Variants in ASTN2 observed in about 807,000 individuals in gnomAD.
ASTN2 encodes astrotactin-2.
In ASTN2, 54 loss-of-function variants were observed where a neutral mutation model predicts 139.8. That is an observed-to-expected ratio of 0.39 (90% CI 0.31 to 0.48). The LOEUF is 0.48. Among genes scored for constraint, ASTN2 ranks in the 20% least tolerant of loss-of-function variants. ASTN2 has a pLI of 0.95. For synonymous variants in ASTN2, 756 were observed against 719.5 expected (o/e 1.05, Z -0.81); for missense variants, 1,565 against 1,725.1 (o/e 0.91, Z 1.64).
At chr9:116,985,103 G>A (rs182846250) in intron 7 of ASTN2, among the ~76,000 whole-genome samples, 1 of 152,214 alleles carries the variant, frequency 6.6e-6, no homozygotes, top group East Asian at 1.9e-4. Flanking sequence ...CCCTCTCTGG[G>A]GCTCAGTTTC....
chr9:116,833,984 G>A lies in ASTN2; in HGVS notation c.2041-13201C>T, dbSNP rs543084678. Among the ~76,000 whole-genome samples the A allele has an allele frequency of 6.1e-5, 9 of 146,558 alleles. No individual in the cohort carries two copies. The East Asian group carries it at 1.5e-3, about 24-fold the overall frequency. ...GGAAAAGGGAATTTCACCAAAAAACGAATTAGCCAGCACCTCAATCTTAGA... is the reference window on the plus strand; with the variant it reads ...GGAAAAGGGAATTTCACCAAAAAACAAATTAGCCAGCACCTCAATCTTAGA... On this transcript the variant is annotated intron_variant, in intron 11 of 22. Coordinates refer to ENST00000313400, the MANE Select transcript of ASTN2 (RefSeq NM_001365068.1).
intron 19 of ASTN2, among the ~76,000 whole-genome samples, chr9:116,533,941 A>G (rs1389463976): frequency 6.6e-6 from 1 of 152,168 alleles, no homozygotes; most frequent in African/African-American, 2.4e-5. Context: ...GAATGGCACA[A>G]GCTCCTCCTT....
At chr9:116,757,887 T>C (rs1267588601) in intron 13 of ASTN2, among the ~76,000 whole-genome samples, 1 of 152,126 alleles carries the variant, frequency 6.6e-6, no homozygotes. Context: ...AAATTCTTAA[T>C]TTGTTAAGAA....
chr9:117,161,956 GT>G lies in ASTN2; in HGVS notation c.1016-20479del, dbSNP rs578218132. Among the ~76,000 whole-genome samples, 354 of 151,994 alleles carry G rather than the reference GT, an allele frequency of 2.3e-3. 2 individuals are homozygous for G. Among genetic ancestry groups the G allele is most frequent in the African/African-American group, 8.1e-3 (335 of 41,470 alleles). On this transcript the variant is annotated intron_variant, in intron 3 of 22. Coordinates refer to ENST00000313400, the MANE Select transcript of ASTN2 (RefSeq NM_001365068.1). Reference sequence around the variant, plus strand: ...ATAGCCATGTATGACATATAGGACAGTTTATATCACCACTTTATAGATAAAG... The same window carrying G: ...ATAGCCATGTATGACATATAGGACAGTTATATCACCACTTTATAGATAAAG...
intron 10 of ASTN2, among the ~76,000 whole-genome samples, chr9:116,882,765 T>C (rs2132372680): frequency 6.6e-6 from 1 of 151,624 alleles, no homozygotes; most frequent in Middle Eastern, 3.4e-3. Flanking sequence ...AGTTCAAGGC[T>C]ACAGTGAGCT....
chr9:116,968,235 C>T (rs1324841794), intron 10 of ASTN2, among the ~76,000 whole-genome samples: 2 of 152,118 alleles, frequency 1.3e-5, no homozygotes. Flanking sequence ...ACTTCTAGAG[C>T]CTAGCACAAT....
At chr9:116,770,862 T>A (rs975513308) in intron 13 of ASTN2, among the ~76,000 whole-genome samples, 3 of 152,196 alleles carry the variant, frequency 2.0e-5, no homozygotes, top group African/African-American at 7.2e-5. Context: ...TGTTTTAATC[T>A]AGTCTCCTAC....
intron 4 of ASTN2, among the ~76,000 whole-genome samples, chr9:117,113,808 C>T (rs900104680): frequency 3.3e-5 from 5 of 151,988 alleles, no homozygotes; most frequent in African/African-American, 1.2e-4. Context: ...CCAGAAAAGA[C>T]AAATCTAATC....
chr9:117,338,735 TTTTTTTTTTGCCATTATC>T (rs925079630), intron 1 of ASTN2, among the ~76,000 whole-genome samples: 81 of 150,018 alleles, frequency 5.4e-4, no homozygotes, highest in African/African-American at 1.9e-3. Context: ...CAAAAGTAAT[TTTTTTTTTTGCCATTATC>T]TTTTTTTTTG....
intron 16 of ASTN2, among the ~76,000 whole-genome samples, chr9:116,667,484 GAAGCA>G (rs533616485): frequency 5.8e-4 from 89 of 152,280 alleles, no homozygotes; most frequent in African/African-American, 2.1e-3. Context: ...AGCAACAGCT[GAAGCA>G]AAGTTGGCAA....
chr9:117,335,098 T>C (rs548651935), intron 1 of ASTN2, among the ~76,000 whole-genome samples: 40 of 152,262 alleles, frequency 2.6e-4, no homozygotes, highest in African/African-American at 9.4e-4. Flanking sequence ...TGGCAACTTC[T>C]ACCTTGCACC....
intron 10 of ASTN2, among the ~76,000 whole-genome samples, chr9:116,900,027 C>T (rs970315817): frequency 1.3e-5 from 2 of 152,194 alleles, no homozygotes; most frequent in African/African-American, 4.8e-5. Context: ...ATTCCCTAGG[C>T]CCCTGCTCGT....
intron 13 of ASTN2, among the ~76,000 whole-genome samples, chr9:116,799,994 T>C (rs192518081): frequency 1.3e-5 from 2 of 152,326 alleles, no homozygotes; most frequent in Non-Finnish European, 2.9e-5. Flanking sequence ...GCTTCATTCA[T>C]GTCAATTTCA....
intron 3 of ASTN2, among the ~76,000 whole-genome samples, chr9:117,212,348 A>G (rs1455168846): frequency 4.5e-5 from 6 of 132,344 alleles, no homozygotes; most frequent in African/African-American, 1.7e-4. Flanking sequence ...ATTGGTCTGA[A>G]AAAAGATTTT....
At chr9:117,349,769 A>G (rs1032047864) in intron 1 of ASTN2, among the ~76,000 whole-genome samples, 6 of 152,218 alleles carry the variant, frequency 3.9e-5, no homozygotes, top group Admixed American at 2.6e-4. Flanking sequence ...AACATCAGCA[A>G]TAAGTCAGGA....
chr9:117,059,504 T>C (rs1350207081), intron 5 of ASTN2, among the ~76,000 whole-genome samples: 2 of 152,014 alleles, frequency 1.3e-5, no homozygotes, highest in Non-Finnish European at 2.9e-5. Flanking sequence ...TCCCAGCTAC[T>C]AAGTAGGCTG....
At chr9:117,249,117 GA>G in intron 2 of ASTN2, among the ~76,000 whole-genome samples, 1 of 152,336 alleles carries the variant, frequency 6.6e-6, no homozygotes, top group Admixed American at 6.5e-5. Flanking sequence ...GCAAGGGAAG[GA>G]AAGAACATAG....
At position 116,773,522 on chromosome 9, in the gene ASTN2, AC is replaced by A. The variant is rs547657207; in HGVS notation, c.2396+32109del. Among the ~76,000 whole-genome samples the A allele has an allele frequency of 1.5e-3, 234 of 152,282 alleles. 2 individuals carry two copies. The highest frequency in any genetic ancestry group is 3.4e-3 in the Middle Eastern group (1 of 294). On this transcript the variant is annotated intron_variant, in intron 13 of 22. Coordinates refer to ENST00000313400, the MANE Select transcript of ASTN2 (RefSeq NM_001365068.1). ...AACCATGCCTCCTTCATAAGGGAGA[AC>A]CTCACACAAAGATGGGCTTTAAAAA...
At position 117,353,040 on chromosome 9, in the gene ASTN2, T is replaced by C. The variant is rs189429111; in HGVS notation, c.442+61457A>G. On this transcript the variant is annotated intron_variant, in intron 1 of 22. Transcript: ENST00000313400. Reference sequence around the variant, plus strand: ...GGAATGGGGAGTTATTGCTTAATGATTGCAGAGAGTTTTTATTTGGGGTCA... The same window carrying C: ...GGAATGGGGAGTTATTGCTTAATGACTGCAGAGAGTTTTTATTTGGGGTCA... Among the ~76,000 whole-genome samples the C allele has an allele frequency of 6.6e-5, 10 of 152,344 alleles. No individual in the cohort carries two copies. In the East Asian group the frequency reaches 1.2e-3, roughly 18 times the overall value.
Sources: allele counts gnomAD v4.1 joint callset (sites outside exome capture counted in the v4.1 genomes callset), GRCh38; gene constraint gnomAD v4.1.1; transcripts MANE v1.5; gene names NCBI Gene and HGNC (gene_info 2026-07-23, HGNC 2026-07-21).